SLC25A21: variants seen among roughly 807,000 people sequenced by gnomAD.
The protein encoded by SLC25A21 is mitochondrial 2-oxodicarboxylate carrier.
A neutral mutation model predicts 43.8 loss-of-function variants in SLC25A21; 47 were observed. The observed-to-expected ratio is 1.07, with a 90% CI of 0.85 to 1.37. SLC25A21 has a LOEUF of 1.37. Ranked by LOEUF, SLC25A21 falls within the 40% of genes most tolerant of loss-of-function variation. SLC25A21 has a pLI of 0.00. For missense variants in SLC25A21, 352 were observed against 350.2 expected (o/e 1.00, Z -0.04); for synonymous variants, 131 against 121.3 (o/e 1.08, Z -0.52).
chr14:36,884,739 C>T (rs1890864501), intron 1 of SLC25A21, among the ~76,000 whole-genome samples: 1 of 152,142 alleles, frequency 6.6e-6, no homozygotes, highest in African/African-American at 2.4e-5. Flanking sequence ...TGATGATGAG[C>T]ATTTTTCTAT....
intron 3 of SLC25A21, among the ~76,000 whole-genome samples, chr14:36,793,540 A>G (rs1887565879): frequency 6.6e-6 from 1 of 151,460 alleles, no homozygotes; most frequent in African/African-American, 2.4e-5. Flanking sequence ...AACCAAAAAA[A>G]AAAAAAAAAC....
intron 1 of SLC25A21, among the ~76,000 whole-genome samples, chr14:37,154,142 AC>A (rs1336049024): frequency 2.0e-5 from 3 of 152,044 alleles, no homozygotes; most frequent in Admixed American, 1.3e-4. Flanking sequence ...GGGATACTCA[AC>A]CCACCACTGT....
At chr14:36,695,285 C>T (rs1260310687) in intron 7 of SLC25A21, among the ~76,000 whole-genome samples, 1 of 152,126 alleles carries the variant, frequency 6.6e-6, no homozygotes, top group African/African-American at 2.4e-5. Flanking sequence ...TGTTTTGGTA[C>T]CAGTACCATG....
intron 1 of SLC25A21, among the ~76,000 whole-genome samples, chr14:36,973,698 A>G (rs1290171400): frequency 6.6e-6 from 1 of 152,256 alleles, no homozygotes; most frequent in Non-Finnish European, 1.5e-5. Flanking sequence ...TTAAAGTACA[A>G]CAAATTCTCA....
intron 3 of SLC25A21, among the ~76,000 whole-genome samples, chr14:36,771,094 G>A (rs1474841808): frequency 6.6e-6 from 1 of 152,166 alleles, no homozygotes; most frequent in Non-Finnish European, 1.5e-5. Context: ...GAAGATGTAG[G>A]TTTTCAAGAA....
rs149841003 is a variant in SLC25A21 at position 36,685,348 on chromosome 14, T to G, written c.604-423A>C. Among the ~76,000 whole-genome samples the G allele has an allele frequency of 5.9e-5, 9 of 152,334 alleles. No individual in the cohort carries two copies. The East Asian group carries it at 1.7e-3, about 29-fold the overall frequency. ...TGAAGCCTACTAAAATGCTCATTTGTGTGTGGACCCCCAAATGTTAAATTA... is the reference window on the plus strand; with the variant it reads ...TGAAGCCTACTAAAATGCTCATTTGGGTGTGGACCCCCAAATGTTAAATTA... On this transcript the variant is annotated intron_variant, in intron 7 of 9. Coordinates refer to ENST00000331299, the MANE Select transcript of SLC25A21 (RefSeq NM_030631.4).
Position 36,680,592 on chromosome 14 carries a change from C to CTCTT in SLC25A21, c.*62_*65dup. 1 of 1,562,776 alleles carries CTCTT rather than the reference C, an allele frequency of 6.4e-7. No homozygotes were observed. Among genetic ancestry groups the CTCTT allele is most frequent in the Non-Finnish European group, 8.7e-7 (1 of 1,154,728 alleles). On this transcript the variant is annotated 3_prime_UTR_variant, in exon 10 of 10. Transcript: ENST00000331299. ...TATACACCTGGCCGATCGATAGTCT[C>CTCTT]TCTTCTTCATGGTGCTGCATAGCAA...
At chr14:37,017,481 T>A (rs1322106307) in intron 1 of SLC25A21, among the ~76,000 whole-genome samples, 2 of 152,000 alleles carry the variant, frequency 1.3e-5, no homozygotes, top group Non-Finnish European at 2.9e-5. Context: ...TAGAACATCA[T>A]AACAGATGTA....
intron 1 of SLC25A21, among the ~76,000 whole-genome samples, chr14:37,090,196 A>T (rs17106291): frequency 6.6e-6 from 1 of 152,154 alleles, no homozygotes; most frequent in Non-Finnish European, 1.5e-5. Context: ...GGCATCTGGG[A>T]AGCTGAGCTA....
chr14:37,092,502 A>G (rs184317917), intron 1 of SLC25A21, among the ~76,000 whole-genome samples: 3 of 152,220 alleles, frequency 2.0e-5, no homozygotes, highest in Non-Finnish European at 4.4e-5. Flanking sequence ...CTCGAGGTGG[A>G]TTATTGGCTT....
rs747072822 is a variant in SLC25A21 at position 36,683,887 on chromosome 14, T to G, written c.786-7A>C. On this transcript the variant is annotated splice_region_variant and splice_polypyrimidine_tract_variant and intron_variant, in intron 8 of 9. Coordinates refer to ENST00000331299, the MANE Select transcript of SLC25A21 (RefSeq NM_030631.4). ...TTTGTACAAAGCTAAAATCCTGTAATGGGAAGGGAAAGAGAAACGTTCTTA... is the reference window on the plus strand; with the variant it reads ...TTTGTACAAAGCTAAAATCCTGTAAGGGGAAGGGAAAGAGAAACGTTCTTA... The G allele has an allele frequency of 6.2e-7, 1 of 1,601,844 alleles. No individual in the cohort carries two copies. Among genetic ancestry groups the G allele is most frequent in the Non-Finnish European group, 8.5e-7 (1 of 1,172,572 alleles).
intron 1 of SLC25A21, among the ~76,000 whole-genome samples, chr14:36,954,440 C>T (rs1245660353): frequency 6.6e-6 from 1 of 151,746 alleles, no homozygotes; most frequent in Non-Finnish European, 1.5e-5. Flanking sequence ...CTGATCTGAC[C>T]CCAACTTAGG....
intron 7 of SLC25A21, among the ~76,000 whole-genome samples, chr14:36,694,545 T>C (rs1882935563): frequency 6.6e-6 from 1 of 152,238 alleles, no homozygotes; most frequent in South Asian, 2.1e-4. Flanking sequence ...AAAGCGTTCC[T>C]ATTTCTCCAC....
At chr14:37,005,920 T>C (rs1453852921) in intron 1 of SLC25A21, among the ~76,000 whole-genome samples, 1 of 151,784 alleles carries the variant, frequency 6.6e-6, no homozygotes, top group Non-Finnish European at 1.5e-5. Flanking sequence ...TAAATAACAA[T>C]ACAGTTGTCT....
chr14:37,032,393 G>A (rs970033586), intron 1 of SLC25A21, among the ~76,000 whole-genome samples: 4 of 152,020 alleles, frequency 2.6e-5, no homozygotes, highest in African/African-American at 9.7e-5. Flanking sequence ...AAAACTAGCC[G>A]GGCGTGGTGG....
At chr14:37,039,421 C>T (rs1961397127) in intron 1 of SLC25A21, among the ~76,000 whole-genome samples, 1 of 152,162 alleles carries the variant, frequency 6.6e-6, no homozygotes, top group Non-Finnish European at 1.5e-5. Context: ...ACATCCCACT[C>T]CCATTCCTGC....
intron 2 of SLC25A21, among the ~76,000 whole-genome samples, chr14:36,849,892 GTTAATTAA>G (rs770451427): frequency 2.0e-5 from 3 of 152,096 alleles, no homozygotes; most frequent in African/African-American, 7.2e-5. Flanking sequence ...TTAACTCACT[GTTAATTAA>G]TTAATTAATT....
intron 1 of SLC25A21, among the ~76,000 whole-genome samples, chr14:36,943,318 A>G (rs1892609355): frequency 6.6e-6 from 1 of 151,970 alleles, no homozygotes; most frequent in Non-Finnish European, 1.5e-5. Flanking sequence ...CAGCCTCCCG[A>G]CTAGCTAGAA....
At chr14:37,097,914 T>C (rs1270308283) in intron 1 of SLC25A21, 3 of 151,132 alleles carry the variant, frequency 2.0e-5, no homozygotes, top group African/African-American at 4.9e-5. Flanking sequence ...AATCAATAGA[T>C]GGATGGATAT....
Sources: allele counts gnomAD v4.1 joint callset (sites outside exome capture counted in the v4.1 genomes callset), GRCh38; gene constraint gnomAD v4.1.1; transcripts MANE v1.5; gene names NCBI Gene and HGNC (gene_info 2026-07-23, HGNC 2026-07-21).